GABRA4: variants seen among roughly 807,000 people sequenced by gnomAD.
The protein encoded by GABRA4 is gamma-aminobutyric acid receptor subunit alpha-4.
In GABRA4, 12 loss-of-function variants were observed where a neutral mutation model predicts 49.7. The observed-to-expected ratio is 0.24, with a 90% confidence interval of 0.15 to 0.39. GABRA4 has a LOEUF of 0.39. Among genes scored for constraint, GABRA4 ranks in the 10% least tolerant of loss-of-function variants. The pLI, the probability that GABRA4 is intolerant of heterozygous loss-of-function variation, is 1.00. For missense variants in GABRA4, 506 were observed against 686.0 expected (o/e 0.74, Z 2.93); for synonymous variants, 288 against 240.2 (o/e 1.20, Z -1.84).
chr4:46,973,935 C>G (rs1723043644), intron 6 of GABRA4, among the ~76,000 whole-genome samples: 1 of 151,796 alleles, frequency 6.6e-6, no homozygotes, highest in Non-Finnish European at 1.5e-5. Flanking sequence ...AAAACAAGAT[C>G]AGACTTCCTA....
intron 4 of GABRA4, 50 bp from the exon 5 acceptor site, chr4:46,977,193 T>C (rs1272193938): frequency 7.9e-7 from 1 of 1,270,162 alleles, no homozygotes; most frequent in South Asian, 1.3e-5. Flanking sequence ...AAAGAATAAT[T>C]GTGACTTTAG....
chr4:46,974,430 A>G, intron 5 of GABRA4, 55 bp from the exon 6 acceptor site: 3 of 1,507,218 alleles, frequency 2.0e-6, no homozygotes, highest in South Asian at 1.3e-5. Context: ...CATCCACATC[A>G]GTGGTCAACA....
At chr4:46,974,203 A>T (rs1448987964) in intron 6 of GABRA4, 29 bp downstream of exon 6, 1 of 1,590,504 alleles carries the variant, frequency 6.3e-7, no homozygotes, top group Admixed American at 1.7e-5. Context: ...ACCAAGTAGC[A>T]TGTCGGCTTT....
At chr4:46,974,014 A>G (rs1272563430) in intron 6 of GABRA4, among the ~76,000 whole-genome samples, 1 of 151,888 alleles carries the variant, frequency 6.6e-6, no homozygotes, top group African/African-American at 2.4e-5. Context: ...TAAGAAAACC[A>G]ACTCACTTTT....
At chr4:46,939,829 T>C (rs1158963112) in intron 8 of GABRA4, among the ~76,000 whole-genome samples, 1 of 151,972 alleles carries the variant, frequency 6.6e-6, no homozygotes, top group East Asian at 1.9e-4. Context: ...ATGTGAAAAT[T>C]GTTCTAGGTT....
At position 46,986,191 on chromosome 4, in the gene GABRA4, C is replaced by T. The variant is rs182241028; in HGVS notation, c.205+6637G>A. Among the ~76,000 whole-genome samples, 5 of 152,008 alleles carry T rather than the reference C, an allele frequency of 3.3e-5. No homozygotes were observed. The East Asian group carries it at 9.7e-4, about 29-fold the overall frequency. ...AACTTTAAAAGTATTTTTTTCCTAGCATTTTTCTACCTCCTTCCTTCTACC... is the reference window on the plus strand; with the variant it reads ...AACTTTAAAAGTATTTTTTTCCTAGTATTTTTCTACCTCCTTCCTTCTACC... On this transcript the variant is annotated intron_variant, in intron 2 of 8. Transcript: ENST00000264318.
Position 46,993,575 on chromosome 4 carries a change from G to T in GABRA4, c.-151C>A. 1 of 746,638 alleles carries T rather than the reference G, an allele frequency of 1.3e-6. No individual in the cohort carries two copies. Among genetic ancestry groups the T allele is most frequent in the Non-Finnish European group, 2.3e-6 (1 of 443,992 alleles). 46.3% of individuals were successfully genotyped at this position (746,638 alleles called of 1,614,324 possible). On this transcript the variant is annotated 5_prime_UTR_variant, in exon 1 of 9. Coordinates refer to ENST00000264318, the MANE Select transcript of GABRA4 (RefSeq NM_000809.4). ...CGCTCAGCCAGCCCGAGCCGCGGTG[G>T]GCGTGTGTGTGCACGGGGCCAGGGG...
chr4:46,959,275 G>C (rs1307057082), intron 8 of GABRA4, among the ~76,000 whole-genome samples: 1 of 151,762 alleles, frequency 6.6e-6, no homozygotes, highest in South Asian at 2.1e-4. Context: ...AGGATGGGTG[G>C]GCCAACCCAT....
chr4:46,970,536 A>G (rs1722913754), intron 7 of GABRA4, among the ~76,000 whole-genome samples: 1 of 151,478 alleles, frequency 6.6e-6, no homozygotes, highest in African/African-American at 2.4e-5. Context: ...AGCCACTATA[A>G]AAACAAAAAG....
chr4:46,973,228 G>T (rs183936004), intron 6 of GABRA4, among the ~76,000 whole-genome samples: 1 of 151,734 alleles, frequency 6.6e-6, no homozygotes, highest in East Asian at 1.9e-4. Context: ...GGTCCTCAAA[G>T]TTCAGATGTT....
chr4:46,933,293 TTC>T (rs1721504822), intron 8 of GABRA4, among the ~76,000 whole-genome samples: 1 of 152,190 alleles, frequency 6.6e-6, no homozygotes, highest in Non-Finnish European at 1.5e-5. Context: ...AAGATCCTTT[TTC>T]AAATTAGAAA....
intron 8 of GABRA4, among the ~76,000 whole-genome samples, chr4:46,931,758 G>A (rs994584631): frequency 2.0e-5 from 3 of 152,104 alleles, no homozygotes; most frequent in Admixed American, 6.6e-5. Context: ...ACCACCATAA[G>A]AACAGGTCAG....
chr4:46,942,706 T>G (rs1721850423), intron 8 of GABRA4, among the ~76,000 whole-genome samples: 1 of 152,116 alleles, frequency 6.6e-6, no homozygotes, highest in South Asian at 2.1e-4. Context: ...TTCTTTCAAT[T>G]CTTCCCATTA....
chr4:46,928,249 C>T lies in GABRA4; in HGVS notation c.1641G>A (p.Met547Ile). 1.2e-6 allele frequency: 2 copies of T among 1,610,700 alleles called. No individual in the cohort carries two copies. Among genetic ancestry groups the T allele is most frequent in the Non-Finnish European group, 1.7e-6 (2 of 1,178,440 alleles). ...ATTACATTAGACTTTCTGATTTCTC[C>T]ATAGTGTCCTTAGATAAATAAACAA... The part of the protein sequence containing the change: ...YWVVYLSKDT[M>I]EKSESLM The change falls in exon 9 of 9, where the codon ATG becomes ATA. Residue 547 changes from methionine (M) to isoleucine (I), a missense_variant. Physicochemically the swap from Met to Ile is conservative, Grantham distance 10. Transcript: ENST00000264318.
chr4:46,985,703 T>C (rs1186496320), intron 2 of GABRA4, among the ~76,000 whole-genome samples: 5 of 152,040 alleles, frequency 3.3e-5, no homozygotes, highest in Admixed American at 3.3e-4. Context: ...CAATGTCTAT[T>C]TCAGGAAACA....
chr4:46,992,688 C>A, intron 2 of GABRA4, 140 bp downstream of exon 2: 1 of 691,548 alleles, frequency 1.4e-6, no homozygotes, highest in Non-Finnish European at 2.6e-6. Flanking sequence ...ATAGGTCTCA[C>A]CAAGAGAGGA....
At chr4:46,991,721 A>ACTCGTTACTTATGTTTCTAAGC (rs11274101) in intron 2 of GABRA4, among the ~76,000 whole-genome samples, 1 of 151,798 alleles carries the variant, frequency 6.6e-6, no homozygotes, top group Non-Finnish European at 1.5e-5. Flanking sequence ...TGGAACTTGG[A>ACTCGTTACTTATGTTTCTAAGC]CTCAATTTCC....
intron 8 of GABRA4, among the ~76,000 whole-genome samples, chr4:46,955,924 G>T (rs889454652): frequency 1.6e-4 from 25 of 152,168 alleles, no homozygotes; most frequent in African/African-American, 5.8e-4. Context: ...AATCCTCAGT[G>T]CTTTGCAGGT....
rs3792205 is a variant in GABRA4 at position 46,967,366 on chromosome 4, T to G, written c.875-2137A>C. Among the ~76,000 whole-genome samples, 44 of 151,726 alleles carry G rather than the reference T, an allele frequency of 2.9e-4. 1 individual carries two copies. In the East Asian group the frequency reaches 8.2e-3, roughly 28 times the overall value. On this transcript the variant is annotated intron_variant, in intron 7 of 8. Transcript: ENST00000264318. ...ATGTTACTTTGAACTTTTTTTTTTT[T>G]TGTAATAGGACTATTTTTCTTGGTG... is the stretch of plus-strand genomic sequence containing the variant.
Sources: allele counts gnomAD v4.1 joint callset (sites outside exome capture counted in the v4.1 genomes callset), GRCh38; gene constraint gnomAD v4.1.1; transcripts MANE v1.5; gene names NCBI Gene and HGNC (gene_info 2026-07-23, HGNC 2026-07-21).